The following WDR44 variants were observed in gnomAD, a reference collection of about 807,000 sequenced individuals.
WDR44 encodes WD repeat domain 44.
WDR44 carries 9 observed loss-of-function variants against 65.7 expected under a neutral mutation model. That is an observed-to-expected ratio of 0.14 (90% confidence interval 0.08 to 0.24). WDR44 has a LOEUF of 0.24. WDR44 is among the 10% of genes least tolerant of loss of function. The pLI is 1.00. For synonymous variants in WDR44, 220 were observed against 235.2 expected (o/e 0.94, Z 0.59); for missense variants, 425 against 670.9 (o/e 0.63, Z 4.05).
intron 12 of WDR44, among the ~76,000 whole-genome samples, chrX:118,431,996 C>T (rs1186892822): frequency 9.0e-6 from 1 of 111,617 alleles, no homozygotes; most frequent in Non-Finnish European, 1.9e-5. Context: ...ATAATGAATA[C>T]GAAAGCACGT....
intron 1 of WDR44, among the ~76,000 whole-genome samples, chrX:118,352,321 TATATATATATA>T (rs1569354309): frequency 0.014 from 117 of 8,542 alleles, no homozygotes; most frequent in African/African-American, 0.045. Flanking sequence ...AGCTAATTTA[TATATATATATA>T]TATATATATA....
At chrX:118,437,994 C>T (rs1310915404) in intron 14 of WDR44, among the ~76,000 whole-genome samples, 3 of 108,407 alleles carry the variant, frequency 2.8e-5, no homozygotes, top group Non-Finnish European at 3.8e-5. Context: ...TGAGATCGCG[C>T]CAGCCTGGGC....
chrX:118,355,606 TG>T (rs1233461135), intron 1 of WDR44, among the ~76,000 whole-genome samples: 1 of 112,369 alleles, frequency 8.9e-6, no homozygotes, highest in Non-Finnish European at 1.9e-5. Context: ...TGCACCTTAC[TG>T]TGCCTATTAT....
chrX:118,396,939 T>G, intron 6 of WDR44, 31 bp from the exon 7 acceptor site: 1 of 1,149,726 alleles, frequency 8.7e-7, no homozygotes, highest in East Asian at 3.1e-5. Flanking sequence ...CAGGTCATCT[T>G]GGTGTGATTG....
intron 12 of WDR44, among the ~76,000 whole-genome samples, chrX:118,413,704 A>G (rs151119436): frequency 0.017 from 1,848 of 111,418 alleles, 15 homozygotes; most frequent in Middle Eastern, 0.032. Context: ...AGTCCCAACT[A>G]TTTATTTTTA....
chrX:118,442,821 T>C, intron 17 of WDR44, 141 bp downstream of exon 17: 1 of 465,055 alleles, frequency 2.2e-6, no homozygotes, highest in Non-Finnish European at 3.8e-6. Context: ...AATACGTACC[T>C]TGTCCACCTA....
intron 6 of WDR44, 51 bp downstream of exon 6, chrX:118,395,395 C>A: frequency 9.7e-7 from 1 of 1,033,142 alleles, no homozygotes. Context: ...GTACAAAAAA[C>A]ATAATGGGAA....
At chrX:118,352,428 A>G (rs1455848766) in intron 1 of WDR44, among the ~76,000 whole-genome samples, 1 of 89,614 alleles carries the variant, frequency 1.1e-5, no homozygotes, top group African/African-American at 4.2e-5. Context: ...CCTGGGCTCA[A>G]CTGATCCACC....
intron 2 of WDR44, among the ~76,000 whole-genome samples, chrX:118,379,181 G>C (rs1220570434): frequency 9.0e-6 from 1 of 111,175 alleles, no homozygotes; most frequent in African/African-American, 3.3e-5. Context: ...GAGGAGTTTG[G>C]TATTGAGATA....
intron 14 of WDR44, among the ~76,000 whole-genome samples, chrX:118,439,999 G>A (rs1208383705): frequency 3.8e-5 from 4 of 106,184 alleles, no homozygotes; most frequent in Non-Finnish European, 7.7e-5. Context: ...GTGCTTCTGT[G>A]ATCCCAACTA....
intron 8 of WDR44, among the ~76,000 whole-genome samples, chrX:118,403,937 GT>G (rs1358831471): frequency 2.7e-5 from 3 of 111,944 alleles, no homozygotes; most frequent in Non-Finnish European, 5.6e-5. Context: ...GGTAAAATGT[GT>G]TTTTAAGAAC....
At chrX:118,362,413 A>G (rs1315070767) in intron 1 of WDR44, among the ~76,000 whole-genome samples, 2 of 112,042 alleles carry the variant, frequency 1.8e-5, no homozygotes, top group Admixed American at 1.9e-4. Flanking sequence ...TTCAGTGATT[A>G]TAAGTCAAAT....
At chrX:118,366,947 G>A (rs909863891) in intron 1 of WDR44, among the ~76,000 whole-genome samples, 1 of 111,055 alleles carries the variant, frequency 9.0e-6, no homozygotes, top group African/African-American at 3.3e-5. Flanking sequence ...TTAGCTGGGC[G>A]CAGTGGCGGG....
intron 6 of WDR44, among the ~76,000 whole-genome samples, chrX:118,396,518 G>T (rs921637853): frequency 1.8e-5 from 2 of 111,964 alleles, no homozygotes; most frequent in Non-Finnish European, 3.8e-5. Context: ...GCTACAACAT[G>T]GATAAACCTT....
intron 19 of WDR44, among the ~76,000 whole-genome samples, chrX:118,446,821 G>A (rs1454764933): frequency 1.8e-5 from 2 of 110,612 alleles, no homozygotes; most frequent in Middle Eastern, 4.7e-3. Flanking sequence ...TCCAGCTTCT[G>A]TCTTCTAACT....
At chrX:118,428,003 G>A (rs62608408) in intron 12 of WDR44, among the ~76,000 whole-genome samples, 28,922 of 108,430 alleles carry the variant, frequency 0.27, 3,207 homozygotes, top group African/African-American at 0.39. Context: ...ATAATTTTGC[G>A]GCTAGGCACA....
At chrX:118,436,193 C>G (rs1004195006) in intron 13 of WDR44, among the ~76,000 whole-genome samples, 1 of 112,171 alleles carries the variant, frequency 8.9e-6, no homozygotes, top group Non-Finnish European at 1.9e-5. Context: ...CTCTAATTTT[C>G]TTGCCTAGAG....
chrX:118,436,617 A>T, intron 13 of WDR44, 85 bp from the exon 14 acceptor site: 1 of 1,062,843 alleles, frequency 9.4e-7, no homozygotes, highest in Non-Finnish European at 1.3e-6. Flanking sequence ...CTGTTGAGAT[A>T]CAAAAACCAA....
chrX:118,378,335 T>C, intron 1 of WDR44, 84 bp from the exon 2 acceptor site: 1 of 754,394 alleles, frequency 1.3e-6, no homozygotes. Context: ...TTTTTAAATG[T>C]GGACTTGTCT....
Sources: gnomAD v4.1 joint callset for allele counts (sites outside exome capture counted in the v4.1 genomes callset) on GRCh38, gnomAD v4.1.1 for gene constraint, MANE v1.5 for transcripts, NCBI Gene and HGNC (gene_info 2026-07-23, HGNC 2026-07-21) for gene names.